RNLS: variants seen among roughly 807,000 people sequenced by gnomAD.
RNLS encodes the protein renalase, FAD dependent amine oxidase.
A neutral mutation model predicts 39.8 loss-of-function variants in RNLS; 39 were observed. The observed-to-expected ratio is 0.98, with a 90% CI of 0.76 to 1.28. The LOEUF (loss-of-function observed/expected upper bound fraction) is 1.28. Ranked by LOEUF, RNLS falls within the 50% of genes most tolerant of loss-of-function variation. The pLI is 0.00. For synonymous variants in RNLS, 147 were observed against 150.7 expected, an observed-to-expected ratio of 0.98 and a Z score of 0.18; for missense variants, 410 against 413.3, an observed-to-expected ratio of 0.99 and a Z score of 0.07.
chr10:88,487,930 T>C (rs1480285630), intron 4 of RNLS, among the ~76,000 whole-genome samples: 1 of 152,170 alleles, frequency 6.6e-6, no homozygotes, highest in Non-Finnish European at 1.5e-5. Flanking sequence ...ATAATGCAGA[T>C]GATTCCTCAA....
At chr10:88,408,667 T>C (rs1228122775) in intron 4 of RNLS, among the ~76,000 whole-genome samples, 1 of 152,130 alleles carries the variant, frequency 6.6e-6, no homozygotes, top group Non-Finnish European at 1.5e-5. Flanking sequence ...TAATGCAATT[T>C]ATTTATTTGG....
At chr10:88,487,862 A>C (rs1844627966) in intron 4 of RNLS, among the ~76,000 whole-genome samples, 1 of 152,198 alleles carries the variant, frequency 6.6e-6, no homozygotes, top group Non-Finnish European at 1.5e-5. Context: ...ACACAGTTGT[A>C]TATCCATAAA....
chr10:88,482,414 T>C (rs925102987), intron 4 of RNLS, among the ~76,000 whole-genome samples: 15 of 152,262 alleles, frequency 9.9e-5, no homozygotes, highest in Middle Eastern at 3.4e-3. Flanking sequence ...TCTCCTATCA[T>C]CTCAAATCTG....
chr10:88,531,465 A>G (rs1400825336), intron 4 of RNLS, among the ~76,000 whole-genome samples: 2 of 152,214 alleles, frequency 1.3e-5, no homozygotes, highest in Middle Eastern at 6.8e-3. Flanking sequence ...AGTCTAGATA[A>G]AAGCTTTATA....
the RNLS span, among the ~76,000 whole-genome samples, chr10:88,260,723 C>G: frequency 0.14 from 21,490 of 152,164 alleles, 2,107 homozygotes; most frequent in African/African-American, 0.27. Context: ...TTTACCAACT[C>G]ATTGATACCA....
chr10:88,327,752 G>A (rs1846733121), intron 5 of RNLS, among the ~76,000 whole-genome samples: 1 of 152,112 alleles, frequency 6.6e-6, no homozygotes, highest in South Asian at 2.1e-4. Context: ...ATGTATGTAT[G>A]TATGTACGTA....
intron 4 of RNLS, among the ~76,000 whole-genome samples, chr10:88,540,478 T>C (rs537260195): frequency 1.4e-4 from 21 of 152,242 alleles, no homozygotes; most frequent in African/African-American, 4.3e-4. Flanking sequence ...GCTTAATCGG[T>C]TGACTATCTG....
chr10:88,470,016 C>T (rs1418429435), intron 4 of RNLS, among the ~76,000 whole-genome samples: 1 of 151,612 alleles, frequency 6.6e-6, no homozygotes, highest in Non-Finnish European at 1.5e-5. Context: ...TGAAACAACC[C>T]AAGTACTCTT....
intron 4 of RNLS, among the ~76,000 whole-genome samples, chr10:88,549,632 G>A (rs1161726186): frequency 1.3e-5 from 2 of 152,086 alleles, no homozygotes; most frequent in Admixed American, 6.5e-5. Flanking sequence ...GCAGTGTCAG[G>A]GAGATGAATT....
chr10:88,501,141 A>C (rs1232632026), intron 4 of RNLS, among the ~76,000 whole-genome samples: 1 of 151,982 alleles, frequency 6.6e-6, no homozygotes, highest in Non-Finnish European at 1.5e-5. Context: ...CTCTTGCTTG[A>C]TTATTATTAG....
the RNLS span, among the ~76,000 whole-genome samples, chr10:88,204,655 T>C: frequency 2.6e-5 from 4 of 152,172 alleles, no homozygotes; most frequent in African/African-American, 9.7e-5. Context: ...TGGGTATTAT[T>C]ATCTTCTCCC....
At chr10:88,279,940 T>G (rs1227786818), downstream of RNLS, among the ~76,000 whole-genome samples, 2 of 152,120 alleles carry the variant, frequency 1.3e-5, no homozygotes, top group Non-Finnish European at 2.9e-5. Context: ...GTCTCATGGT[T>G]TTGAAGCAAC....
At chr10:88,566,929 C>T (rs1360457108) in intron 4 of RNLS, among the ~76,000 whole-genome samples, 1 of 151,868 alleles carries the variant, frequency 6.6e-6, no homozygotes, top group Non-Finnish European at 1.5e-5. Context: ...TATGAAATTA[C>T]TGGGCTCAAA....
chr10:88,556,234 T>C (rs530530693), intron 4 of RNLS, among the ~76,000 whole-genome samples: 3 of 152,248 alleles, frequency 2.0e-5, no homozygotes, highest in East Asian at 3.9e-4. Flanking sequence ...CATCAGCAAA[T>C]CCTGGCAGCC....
the RNLS span, among the ~76,000 whole-genome samples, chr10:88,203,387 C>T: frequency 1.1e-3 from 7 of 6,326 alleles, 3 homozygotes; most frequent in African/African-American, 8.3e-3. Context: ...TATATATATA[C>T]ACGTATGTGT....
intron 4 of RNLS, among the ~76,000 whole-genome samples, chr10:88,491,028 A>C (rs1362465763): frequency 6.6e-6 from 1 of 152,172 alleles, no homozygotes; most frequent in African/African-American, 2.4e-5. Context: ...ATCTGTAAGA[A>C]AGCACACAGA....
intron 4 of RNLS, among the ~76,000 whole-genome samples, chr10:88,438,122 TAAAAA>T (rs571001948): frequency 1.7e-5 from 2 of 116,778 alleles, no homozygotes; most frequent in African/African-American, 3.0e-5. Context: ...GTGAAACTCC[TAAAAA>T]AAAAAAAAAA....
chr10:88,176,471 G>A, the RNLS span, among the ~76,000 whole-genome samples: 2 of 152,146 alleles, frequency 1.3e-5, no homozygotes, highest in Non-Finnish European at 2.9e-5. Context: ...ACTGCACCCA[G>A]CCAGCCTATC....
chr10:88,331,221 T>C (rs375206960), intron 5 of RNLS, among the ~76,000 whole-genome samples: 1 of 152,198 alleles, frequency 6.6e-6, no homozygotes, highest in Admixed American at 6.5e-5. Context: ...CTTATTCACA[T>C]GCAAACACAT....
Sources: allele counts gnomAD v4.1 joint callset (sites outside exome capture counted in the v4.1 genomes callset), GRCh38; gene constraint gnomAD v4.1.1; transcripts MANE v1.5; gene names NCBI Gene and HGNC (gene_info 2026-07-23, HGNC 2026-07-21).